The following DOK6 variants were observed in gnomAD, a reference collection of about 807,000 sequenced individuals.
The protein encoded by DOK6 is downstream of tyrosine kinase 6.
Under a neutral mutation model 44.0 loss-of-function variants are expected in DOK6, and 22 were observed. That is an observed-to-expected ratio of 0.50 (90% CI 0.36 to 0.71). DOK6 has a LOEUF of 0.71. Ranked by LOEUF, DOK6 falls within the 30% of genes least tolerant of loss-of-function variation. The pLI is 0.00. For synonymous variants in DOK6, 166 were observed against 145.5 expected, an observed-to-expected ratio of 1.14 and a Z score of -1.01; for missense variants, 340 against 416.4, an observed-to-expected ratio of 0.82 and a Z score of 1.60.
At chr18:69,550,755 G>A (rs906352904) in intron 1 of DOK6, among the ~76,000 whole-genome samples, 8 of 140,008 alleles carry the variant, frequency 5.7e-5, no homozygotes, top group African/African-American at 2.1e-4. Flanking sequence ...TTATTTGTTT[G>A]TTTTGTTGTT....
chr18:69,708,783 CA>C (rs376287840), intron 5 of DOK6, among the ~76,000 whole-genome samples: 25,918 of 79,470 alleles, frequency 0.33, 2,204 homozygotes, highest in Middle Eastern at 0.41. Context: ...AAATCCGTCT[CA>C]AAAAAAAAAA....
At chr18:69,488,627 G>A in intron 1 of DOK6, among the ~76,000 whole-genome samples, 1 of 152,142 alleles carries the variant, frequency 6.6e-6, no homozygotes. Context: ...ATGGCAGCAG[G>A]CAATAGAGCA....
intron 3 of DOK6, among the ~76,000 whole-genome samples, chr18:69,647,012 T>G (rs1464867271): frequency 6.9e-6 from 1 of 145,302 alleles, no homozygotes; most frequent in Non-Finnish European, 1.5e-5. Flanking sequence ...CTAATCTATC[T>G]ACTCTATCTC....
In DOK6 at chr18:69,768,954, C is replaced by CGTGT. The variant is rs61202412; in HGVS notation, c.856+11106_856+11109dup. Among the ~76,000 whole-genome samples, 522 of 142,692 alleles carry CGTGT rather than the reference C, an allele frequency of 3.7e-3. 2 individuals are homozygous for CGTGT. The highest frequency in any genetic ancestry group is 6.7e-3 in the Admixed American group (94 of 14,052). The allele number at this position is 142,692 out of a possible 152,430, so 93.6% of individuals were successfully genotyped here. A position where few individuals can be genotyped will look rare whatever the true frequency, so the allele number is the denominator to read the frequency against. On this transcript the variant is annotated intron_variant, in intron 7 of 7. Transcript: ENST00000382713. The stretch of plus-strand genomic sequence containing the variant: ...TTTATGCTAAGATTTGAAGGGTGTG[C>CGTGT]GTGTGTGTGTGTGTGTGTGTGTGTG...
chr18:69,572,539 G>T lies in DOK6; in HGVS notation c.174+7945G>T, dbSNP rs558712903. On this transcript the variant is annotated intron_variant, in intron 2 of 7. Transcript: ENST00000382713. ...AAAGTTGTTCCTTTGGTTATCTTTG[G>T]CATATTGATAGTACCTTATTCTATA... 5.9e-5 allele frequency among the ~76,000 whole-genome samples: 9 copies of T among 152,148 alleles called. No individual in the cohort carries two copies. The South Asian group carries it at 1.9e-3, about 32-fold the overall frequency.
intron 3 of DOK6, among the ~76,000 whole-genome samples, chr18:69,621,963 T>A (rs1028711688): frequency 1.3e-5 from 2 of 152,194 alleles, no homozygotes; most frequent in Non-Finnish European, 1.5e-5. Flanking sequence ...TTGGGAGAAC[T>A]TAATTTTTGG....
intron 1 of DOK6, among the ~76,000 whole-genome samples, chr18:69,494,833 C>A (rs78092147): frequency 6.6e-6 from 1 of 152,144 alleles, no homozygotes; most frequent in Non-Finnish European, 1.5e-5. Flanking sequence ...CTTGGGGTGA[C>A]GCATTTCTGG....
intron 2 of DOK6, among the ~76,000 whole-genome samples, chr18:69,589,302 T>C (rs1163203289): frequency 6.6e-6 from 1 of 152,114 alleles, no homozygotes; most frequent in Non-Finnish European, 1.5e-5. Flanking sequence ...AATAAAGTTG[T>C]ATTAAACTTG....
chr18:69,440,448 A>G (rs1235636452), intron 1 of DOK6, among the ~76,000 whole-genome samples: 1 of 152,184 alleles, frequency 6.6e-6, no homozygotes, highest in Non-Finnish European at 1.5e-5. Context: ...GCAAAACACA[A>G]TAAATTTAAG....
intron 1 of DOK6, among the ~76,000 whole-genome samples, chr18:69,542,695 G>A (rs566086588): frequency 1.3e-5 from 2 of 151,328 alleles, no homozygotes; most frequent in East Asian, 1.9e-4. Context: ...GAGTAAAAAC[G>A]CTTGCTTAAG....
chr18:69,612,421 G>T, intron 3 of DOK6, among the ~76,000 whole-genome samples: 1 of 150,802 alleles, frequency 6.6e-6, no homozygotes, highest in Non-Finnish European at 1.5e-5. Context: ...GCGCATGTGT[G>T]CGAGGGCGCA....
At position 69,841,440 on chromosome 18, in the gene DOK6, G is replaced by T. The variant is rs1982217676; in HGVS notation, c.*57G>T. 6.2e-7 allele frequency: 1 copy of T among 1,600,450 alleles called. No homozygotes were observed. The highest frequency in any genetic ancestry group is 8.5e-7 in the Non-Finnish European group (1 of 1,170,950). On this transcript the variant is annotated 3_prime_UTR_variant, in exon 8 of 8. Transcript: ENST00000382713. ...AGTCTGTCCTGGACCCGTCTGTGGG[G>T]TCATTACCCTCTGCCTCCTGGAAGA...
At position 69,547,942 on chromosome 18, in the gene DOK6, A is replaced by ATC. The variant is rs949454822; in HGVS notation, c.67-16545_67-16544insTC. Reference sequence around the variant, plus strand: ...TATATATAATATATAATATATATATAATATATATAAAATATATATATATGT... The same window carrying ATC: ...TATATATAATATATAATATATATATATCATATATATAAAATATATATATATGT... On this transcript the variant is annotated intron_variant, in intron 1 of 7. Coordinates refer to ENST00000382713, the MANE Select transcript of DOK6 (RefSeq NM_152721.6). Among the ~76,000 whole-genome samples the ATC allele has an allele frequency of 2.4e-4, 34 of 139,630 alleles. No individual in the cohort carries two copies. The East Asian group carries it at 5.7e-3, about 23-fold the overall frequency. The allele number at this position is 139,630 out of a possible 152,430, so 91.6% of individuals were successfully genotyped here.
intron 1 of DOK6, among the ~76,000 whole-genome samples, chr18:69,469,059 T>C (rs1980011574): frequency 6.6e-6 from 1 of 152,198 alleles, no homozygotes; most frequent in African/African-American, 2.4e-5. Context: ...ATGGTGCCAC[T>C]GAAGGAACTG....
At chr18:69,826,133 T>C (rs1981733934) in intron 7 of DOK6, among the ~76,000 whole-genome samples, 1 of 152,130 alleles carries the variant, frequency 6.6e-6, no homozygotes, top group Admixed American at 6.6e-5. Context: ...ATTAAGTAAA[T>C]TGACATAAAT....
At chr18:69,556,013 A>G (rs1453542965) in intron 1 of DOK6, among the ~76,000 whole-genome samples, 1 of 152,216 alleles carries the variant, frequency 6.6e-6, no homozygotes, top group African/African-American at 2.4e-5. Context: ...TTAACCTCTG[A>G]TCATTGCAAA....
At chr18:69,511,451 A>G (rs1981362757) in intron 1 of DOK6, among the ~76,000 whole-genome samples, 1 of 152,204 alleles carries the variant, frequency 6.6e-6, no homozygotes, top group East Asian at 1.9e-4. Context: ...CTCGTAAAAC[A>G]AGGGGTAAGA....
intron 3 of DOK6, among the ~76,000 whole-genome samples, chr18:69,652,988 G>A (rs889869425): frequency 3.3e-5 from 5 of 152,160 alleles, no homozygotes; most frequent in Non-Finnish European, 7.4e-5. Flanking sequence ...AAAGATTCAC[G>A]ATGGAATTCT....
intron 7 of DOK6, among the ~76,000 whole-genome samples, chr18:69,778,574 T>C (rs986052363): frequency 6.6e-6 from 1 of 152,106 alleles, no homozygotes; most frequent in Non-Finnish European, 1.5e-5. Flanking sequence ...TAAATCATAA[T>C]TGGATTGGTG....
Sources: allele counts gnomAD v4.1 joint callset (sites outside exome capture counted in the v4.1 genomes callset), GRCh38; gene constraint gnomAD v4.1.1; transcripts MANE v1.5; gene names NCBI Gene and HGNC (gene_info 2026-07-23, HGNC 2026-07-21).